The following PPP3CC variants were observed in gnomAD, a reference collection of about 807,000 sequenced individuals.
PPP3CC encodes serine/threonine-protein phosphatase 2B catalytic subunit gamma isoform.
PPP3CC carries 35 observed loss-of-function variants against 60.3 expected under a neutral mutation model. The ratio of observed to expected loss-of-function variants is 0.58; its 90% CI spans 0.44 to 0.77. The LOEUF is 0.77. Ranked by LOEUF, PPP3CC falls within the 30% of genes least tolerant of loss-of-function variation. The probability of loss-of-function intolerance (pLI) is 0.00; values close to 1 mark genes in which losing one functional copy is unlikely to be tolerated. For missense variants in PPP3CC, 570 were observed against 628.9 expected (o/e 0.91, Z 1.00); for synonymous variants, 206 against 224.3 (o/e 0.92, Z 0.73).
intron 11 of PPP3CC, 118 bp downstream of exon 11, chr8:22,532,424 T>G (rs888321676): frequency 6.9e-5 from 55 of 795,558 alleles, no homozygotes; most frequent in Non-Finnish European, 1.0e-4. Flanking sequence ...GGTCTTTAGG[T>G]TGAGTGCAAA....
rs1839144900 is a variant in PPP3CC at position 22,513,318 on chromosome 8, C to G, written c.656C>G (p.Ala219Gly). ...RKLDRFTEPP[A>G]FGPVCDLLWS... is the part of the protein sequence containing the mutation. The stretch of plus-strand genomic sequence containing the variant: ...TTAGACAGGTTTACGGAACCTCCCG[C>G]CTTTGGACCTGTGTGTGACCTGCTT... The change falls in exon 6 of 14, where the codon GCC becomes GGC. Residue 219 changes from alanine to glycine, a missense_variant. Ala to Gly is a moderately conservative substitution (Grantham distance 60). Coordinates refer to ENST00000240139, the MANE Select transcript of PPP3CC (RefSeq NM_005605.5). 1 of 1,613,194 alleles carries G rather than the reference C, an allele frequency of 6.2e-7. No individual in the cohort carries two copies.
intron 8 of PPP3CC, among the ~76,000 whole-genome samples, chr8:22,527,161 A>T (rs1839580464): frequency 6.6e-6 from 1 of 152,162 alleles, no homozygotes; most frequent in Non-Finnish European, 1.5e-5. Flanking sequence ...TTTCTTTTGT[A>T]CTTTTATTAT....
At chr8:22,475,375 T>A in intron 2 of PPP3CC, 125 bp from the exon 3 acceptor site, 1 of 1,159,604 alleles carries the variant, frequency 8.6e-7, no homozygotes, top group Non-Finnish European at 1.2e-6. Flanking sequence ...GACTACAGTT[T>A]TACAGCAGTC....
intron 3 of PPP3CC, among the ~76,000 whole-genome samples, chr8:22,494,814 G>A (rs562569000): frequency 6.6e-6 from 1 of 152,244 alleles, no homozygotes; most frequent in African/African-American, 2.4e-5. Context: ...GCCTGCTATA[G>A]GTAACCAATC....
chr8:22,524,703 T>C (rs1191281818), intron 8 of PPP3CC, among the ~76,000 whole-genome samples: 1 of 152,176 alleles, frequency 6.6e-6, no homozygotes, highest in Non-Finnish European at 1.5e-5. Context: ...TCAAAAAGAG[T>C]ATCTATTGAT....
At position 22,506,714 on chromosome 8, in the gene PPP3CC, G is replaced by T. The variant is rs573145999; in HGVS notation, c.485-4372G>T. 2.0e-5 allele frequency among the ~76,000 whole-genome samples: 3 copies of T among 151,828 alleles called. No individual in the cohort carries two copies. In the South Asian group the frequency reaches 6.2e-4, roughly 32 times the overall value. ...CCCAGCACTTTGGGAGGCCGAGGCG[G>T]GCAGATCACAAGGCCAGGAGATTGA... On this transcript the variant is annotated intron_variant, in intron 4 of 13. Transcript: ENST00000240139.
At chr8:22,453,363 A>G (rs1342263049) in intron 1 of PPP3CC, among the ~76,000 whole-genome samples, 1 of 152,236 alleles carries the variant, frequency 6.6e-6, no homozygotes. Flanking sequence ...TTGCTTAATA[A>G]TTCGGAGTTC....
intron 1 of PPP3CC, among the ~76,000 whole-genome samples, chr8:22,449,135 G>A (rs1471038927): frequency 6.6e-6 from 1 of 151,976 alleles, no homozygotes; most frequent in Non-Finnish European, 1.5e-5. Flanking sequence ...AAAAAAGTTA[G>A]GGAGAAAAAA....
At chr8:22,445,019 T>C (rs1836781571) in intron 1 of PPP3CC, among the ~76,000 whole-genome samples, 1 of 152,236 alleles carries the variant, frequency 6.6e-6, no homozygotes, top group African/African-American at 2.4e-5. Context: ...CATTGTCTTA[T>C]TTTGTTACTT....
chr8:22,446,589 CGAGG>C (rs1290275958), intron 1 of PPP3CC, among the ~76,000 whole-genome samples: 117 of 152,114 alleles, frequency 7.7e-4, no homozygotes, highest in African/African-American at 2.7e-3. Flanking sequence ...TTTGGGAAGC[CGAGG>C]TGGGTGGATC....
Position 22,450,799 on chromosome 8 carries a change from TTTTATTTATTTATTTATTTA to T in PPP3CC, c.49+9376_49+9395del, listed in dbSNP as rs199665510. On this transcript the variant is annotated intron_variant, in intron 1 of 13. Transcript: ENST00000240139. ...AACCCTCATCCCCAACCTACTTTAT[TTTTATTTATTTATTTATTTA>T]TTTATTTATTTATTTATTTATTTAT... 1.5e-3 allele frequency among the ~76,000 whole-genome samples: 196 copies of T among 133,288 alleles called. 1 individual carries two copies. The highest frequency in any genetic ancestry group is 3.7e-3 in the Middle Eastern group (1 of 268). The allele number at this position is 133,288 out of a possible 152,430, so 87.4% of individuals were successfully genotyped here. A position where few individuals can be genotyped will look rare whatever the true frequency, so the allele number is the denominator to read the frequency against.
chr8:22,534,578 G>C (rs1412690312), intron 12 of PPP3CC, among the ~76,000 whole-genome samples: 1 of 152,200 alleles, frequency 6.6e-6, no homozygotes, highest in South Asian at 2.1e-4. Flanking sequence ...TAACCCAGCA[G>C]TTCCACACCT....
chr8:22,507,735 A>G (rs888434738), intron 4 of PPP3CC, among the ~76,000 whole-genome samples: 1 of 152,126 alleles, frequency 6.6e-6, no homozygotes, highest in Non-Finnish European at 1.5e-5. Flanking sequence ...CCCTGAATCT[A>G]CTGTTTAGGG....
intron 1 of PPP3CC, among the ~76,000 whole-genome samples, chr8:22,465,580 C>G (rs1394879225): frequency 6.6e-6 from 1 of 152,194 alleles, no homozygotes; most frequent in African/African-American, 2.4e-5. Context: ...GCTGCAAGTT[C>G]TATCTCTTGC....
chr8:22,477,524 T>C (rs1004563761), intron 3 of PPP3CC, among the ~76,000 whole-genome samples: 5 of 151,878 alleles, frequency 3.3e-5, no homozygotes, highest in African/African-American at 1.2e-4. Flanking sequence ...GAAAGACACA[T>C]TGAGTTCAGT....
chr8:22,449,633 T>C (rs1836944688), intron 1 of PPP3CC, among the ~76,000 whole-genome samples: 1 of 151,722 alleles, frequency 6.6e-6, no homozygotes, highest in East Asian at 1.9e-4. Context: ...GCAGAAAAAG[T>C]AGTGGTTTCA....
intron 6 of PPP3CC, among the ~76,000 whole-genome samples, chr8:22,513,868 T>C (rs1029971878): frequency 1.3e-5 from 2 of 152,236 alleles, no homozygotes; most frequent in Admixed American, 1.3e-4. Flanking sequence ...AACAGGACAT[T>C]GTGAACTAAG....
intron 1 of PPP3CC, among the ~76,000 whole-genome samples, chr8:22,457,809 C>A (rs545067248): frequency 1.3e-4 from 20 of 152,212 alleles, no homozygotes. Flanking sequence ...TTGTATATTT[C>A]GGCCGGGCGC....
chr8:22,456,048 T>C (rs1448277898), intron 1 of PPP3CC, among the ~76,000 whole-genome samples: 2 of 152,210 alleles, frequency 1.3e-5, no homozygotes, highest in Non-Finnish European at 2.9e-5. Context: ...GTGAGTAGAT[T>C]AGGAAATGAG....
Sources: gnomAD v4.1 joint callset for allele counts (sites outside exome capture counted in the v4.1 genomes callset) on GRCh38, gnomAD v4.1.1 for gene constraint, MANE v1.5 for transcripts, NCBI Gene and HGNC (gene_info 2026-07-23, HGNC 2026-07-21) for gene names.